WDR31: variants seen among roughly 807,000 people sequenced by gnomAD.
WDR31 encodes the protein WD repeat-containing protein 31.
In WDR31, 30 loss-of-function variants were observed where a neutral mutation model predicts 47.3. The observed-to-expected ratio is 0.63, with a 90% CI of 0.47 to 0.86. WDR31 has a LOEUF of 0.86. WDR31 is among the 40% of genes least tolerant of loss of function. The pLI, the probability that WDR31 is intolerant of heterozygous loss-of-function variation, is 0.00. For missense variants in WDR31, 406 were observed against 442.9 expected, an observed-to-expected ratio of 0.92 and a Z score of 0.75; for synonymous variants, 137 against 159.4, an observed-to-expected ratio of 0.86 and a Z score of 1.06.
intron 8 of WDR31, 96 bp downstream of exon 8, chr9:113,321,415 G>A (rs1199090958): frequency 4.0e-6 from 5 of 1,264,250 alleles, no homozygotes; most frequent in Non-Finnish European, 5.7e-6. Flanking sequence ...GGGAAGGGCA[G>A]AGCAATGTGG....
intron 1 of WDR31, among the ~76,000 whole-genome samples, chr9:113,336,862 A>G (rs1833724246): frequency 6.6e-6 from 1 of 152,212 alleles, no homozygotes; most frequent in Admixed American, 6.5e-5. Flanking sequence ...TTTGCTCAAA[A>G]TTATAACTAA....
intron 2 of WDR31, among the ~76,000 whole-genome samples, chr9:113,335,647 A>C (rs1806202011): frequency 6.6e-6 from 1 of 152,192 alleles, no homozygotes; most frequent in Non-Finnish European, 1.5e-5. Context: ...AAGTTGCTAG[A>C]ATTGACTTCC....
rs1053814808 is a variant in WDR31 at position 113,314,350 on chromosome 9, G to T, written c.*2399C>A. 28 of 150,804 alleles carry T rather than the reference G, an allele frequency of 1.9e-4. No individual in the cohort carries two copies. The highest frequency in any genetic ancestry group is 6.8e-4 in the African/African-American group (28 of 41,058). The allele number at this position is 150,804 out of a possible 1,614,324, so 9.3% of individuals were successfully genotyped here. ...CTGCCTCAGCCTCCTGAGTAGCTGG[G>T]ACTACAGGCGGGCACCACCACACCC... On this transcript the variant is annotated 3_prime_UTR_variant, in exon 11 of 11. Transcript: ENST00000374193.
intron 5 of WDR31, among the ~76,000 whole-genome samples, chr9:113,323,419 G>A (rs909264670): frequency 2.6e-5 from 4 of 152,006 alleles, no homozygotes; most frequent in South Asian, 4.1e-4. Context: ...CAGCCACCAC[G>A]CCCAGCTAAT....
chr9:113,318,050 C>T (rs1376099477), intron 10 of WDR31, among the ~76,000 whole-genome samples: 1 of 152,226 alleles, frequency 6.6e-6, no homozygotes, highest in Non-Finnish European at 1.5e-5. Context: ...TATGAGCTTA[C>T]TGTGTTCTTA....
chr9:113,324,237 C>T (rs1254629762), intron 5 of WDR31, among the ~76,000 whole-genome samples: 1 of 152,138 alleles, frequency 6.6e-6, no homozygotes, highest in Admixed American at 6.6e-5. Context: ...TGGCACCCAC[C>T]ATTATTCTAC....
intron 2 of WDR31, among the ~76,000 whole-genome samples, chr9:113,333,708 T>A (rs910327696): frequency 6.6e-6 from 1 of 151,822 alleles, no homozygotes; most frequent in African/African-American, 2.4e-5. Context: ...ATAATTTCAC[T>A]ATGGCACCTC....
chr9:113,335,458 G>T (rs1233301510), intron 2 of WDR31, among the ~76,000 whole-genome samples: 22 of 152,158 alleles, frequency 1.4e-4, no homozygotes, highest in Non-Finnish European at 4.4e-5. Flanking sequence ...CTGCCTAAAA[G>T]TTCTAGGAAA....
chr9:113,326,197 C>T (rs1833462660), intron 5 of WDR31, among the ~76,000 whole-genome samples: 1 of 152,188 alleles, frequency 6.6e-6, no homozygotes, highest in African/African-American at 2.4e-5. Context: ...AGGCGTGAGC[C>T]ACCGCACCCG....
chr9:113,337,083 G>C (rs1018393808), intron 1 of WDR31, among the ~76,000 whole-genome samples: 1 of 152,048 alleles, frequency 6.6e-6, no homozygotes, highest in African/African-American at 2.4e-5. Context: ...GAGAATTAAG[G>C]GCAGCACAGA....
intron 5 of WDR31, among the ~76,000 whole-genome samples, chr9:113,324,847 TGTGTGTGTG>T (rs1833423343): frequency 8.5e-6 from 1 of 117,014 alleles, no homozygotes; most frequent in African/African-American, 3.1e-5. Flanking sequence ...TGTGTGTGTG[TGTGTGTGTG>T]TGTGTGTGTG....
chr9:113,319,553 T>C (rs1312573594), intron 9 of WDR31, among the ~76,000 whole-genome samples: 2 of 152,140 alleles, frequency 1.3e-5, no homozygotes, highest in African/African-American at 4.8e-5. Context: ...ACAAGAAATG[T>C]TCAATAAAAT....
At chr9:113,322,264 T>A (rs1295964564) in intron 7 of WDR31, among the ~76,000 whole-genome samples, 1 of 152,002 alleles carries the variant, frequency 6.6e-6, no homozygotes, top group African/African-American at 2.4e-5. Context: ...AGAGCTTAAG[T>A]AACTTCCTTG....
intron 2 of WDR31, among the ~76,000 whole-genome samples, chr9:113,332,515 A>G (rs1479499040): frequency 6.6e-6 from 1 of 152,246 alleles, no homozygotes; most frequent in Non-Finnish European, 1.5e-5. Context: ...AATCTTGAGA[A>G]CATCATGCTA....
chr9:113,329,028 A>C, intron 4 of WDR31, 73 bp from the exon 5 acceptor site: 3 of 1,350,382 alleles, frequency 2.2e-6, no homozygotes, highest in Non-Finnish European at 3.2e-6. Flanking sequence ...CTGCATTCTC[A>C]CCTTACTTTC....
At chr9:113,337,062 C>T (rs532230871) in intron 1 of WDR31, among the ~76,000 whole-genome samples, 22 of 152,278 alleles carry the variant, frequency 1.4e-4, no homozygotes, top group African/African-American at 5.1e-4. Flanking sequence ...ATTGACAGTG[C>T]AGCTTATTCT....
intron 4 of WDR31, among the ~76,000 whole-genome samples, chr9:113,330,386 C>A (rs1171081835): frequency 6.6e-6 from 1 of 152,196 alleles, no homozygotes; most frequent in Non-Finnish European, 1.5e-5. Flanking sequence ...TAGGTGTGAG[C>A]CACCACACCC....
intron 1 of WDR31, among the ~76,000 whole-genome samples, chr9:113,338,987 G>C (rs906217905): frequency 6.6e-6 from 1 of 152,110 alleles, no homozygotes; most frequent in African/African-American, 2.4e-5. Context: ...ATATCCCTTA[G>C]AGAGCAGTCA....
intron 8 of WDR31, 97 bp from the exon 9 acceptor site, chr9:113,320,595 A>G (rs1833306409): frequency 2.0e-6 from 3 of 1,465,202 alleles, no homozygotes; most frequent in African/African-American, 1.4e-5. Context: ...TCTTTGCTGC[A>G]TAGGCCAGTC....
Sources: allele counts gnomAD v4.1 joint callset (sites outside exome capture counted in the v4.1 genomes callset), GRCh38; gene constraint gnomAD v4.1.1; transcripts MANE v1.5; gene names NCBI Gene and HGNC (gene_info 2026-07-23, HGNC 2026-07-21).